GHSR: variants seen among roughly 807,000 people sequenced by gnomAD.
GHSR encodes the protein growth hormone secretagogue receptor type 1.
A neutral mutation model predicts 24.0 loss-of-function variants in GHSR; 17 were observed. The ratio of observed to expected loss-of-function variants is 0.71; its 90% CI spans 0.49 to 1.06. GHSR has a LOEUF of 1.06. GHSR is among the 50% of genes least tolerant of loss of function. The probability of loss-of-function intolerance (pLI) is 0.00; values close to 1 mark genes in which losing one functional copy is unlikely to be tolerated. For missense variants in GHSR, 504 were observed against 483.1 expected, an observed-to-expected ratio of 1.04 and a Z score of -0.41; for synonymous variants, 238 against 208.1, an observed-to-expected ratio of 1.14 and a Z score of -1.24.
At position 172,445,343 on chromosome 3, in the gene GHSR, C is replaced by A. The variant is rs200570638; in HGVS notation, c.919G>T (p.Val307Leu). The change falls in exon 2 of 2, where the codon GTG (valine) becomes TTG (leucine). Residue 307 changes from valine (V) to leucine (L), a missense_variant. Physicochemically the swap from Val to Leu is conservative, Grantham distance 32 (BLOSUM62 1). Coordinates refer to ENST00000241256, the MANE Select transcript of GHSR (RefSeq NM_198407.2). ...IAQISQYCNL[V>L]SFVLFYLSAA... Reference sequence around the variant, plus strand: ...CTGAGGTAGAAGAGGACAAAGGACACGAGGTTGCAGTACTGGCTGATCTGA... The same window carrying A: ...CTGAGGTAGAAGAGGACAAAGGACAAGAGGTTGCAGTACTGGCTGATCTGA... The A allele has an allele frequency of 6.2e-7, 1 of 1,614,058 alleles. No homozygotes were observed. Among genetic ancestry groups the A allele is most frequent in the Admixed American group, 1.7e-5 (1 of 60,012 alleles).
Position 172,447,953 on chromosome 3 carries a change from A to G in GHSR, c.461T>C (p.Val154Ala). 1 of 1,613,658 alleles carries G rather than the reference A, an allele frequency of 6.2e-7. No individual in the cohort carries two copies. The highest frequency in any genetic ancestry group is 8.5e-7 in the Non-Finnish European group (1 of 1,179,564). The stretch of plus-strand genomic sequence containing the variant: ...CAGCTTCACCCGCCCCTTGGTGACC[A>G]CCACCTTGGCCCGGAGTGGGAAGCA... ...AICFPLRAKV[V>A]VTKGRVKLVI... The change falls in exon 1 of 2, where the codon GTG becomes GCG. Residue 154 changes from valine (V) to alanine (A), a missense_variant. Transcript: ENST00000241256.
Position 172,446,291 on chromosome 3 carries a change from G to A in GHSR, c.797-826C>T, listed in dbSNP as rs113573204. ...TAATGGCTTGAAAATAAAATTGGAGGAAATTATTAAACTTATCCTTAAAAC... is the reference window on the plus strand; with the variant it reads ...TAATGGCTTGAAAATAAAATTGGAGAAAATTATTAAACTTATCCTTAAAAC... On this transcript the variant is annotated intron_variant, in intron 1 of 1. Coordinates refer to ENST00000241256, the MANE Select transcript of GHSR (RefSeq NM_198407.2). 3.6e-3 allele frequency among the ~76,000 whole-genome samples: 549 copies of A among 152,216 alleles called. 10 individuals are homozygous for A. Among genetic ancestry groups the A allele is most frequent in the African/African-American group, 0.013 (532 of 41,530 alleles).
In GHSR at chr3:172,444,087, A is replaced by G. The variant is rs1187719776; in HGVS notation, c.*1074T>C. On this transcript the variant is annotated 3_prime_UTR_variant, in exon 2 of 2. Coordinates refer to ENST00000241256, the MANE Select transcript of GHSR (RefSeq NM_198407.2). ...GTTAAGCCATATGAGGCAGTTTGTG[A>G]TTACCCATAATTGTTTTAAAAAGTT... Among the ~76,000 whole-genome samples the G allele has an allele frequency of 6.6e-6, 1 of 152,170 alleles. No individual in the cohort carries two copies. Among genetic ancestry groups the G allele is most frequent in the African/African-American group, 2.4e-5 (1 of 41,450 alleles).
rs1737404103 is a variant in GHSR, at chr3:172,444,199, A to G, written c.*962T>C. Among the ~76,000 whole-genome samples, 1 of 152,222 alleles carries G rather than the reference A, an allele frequency of 6.6e-6. No individual in the cohort carries two copies. Among genetic ancestry groups the G allele is most frequent in the Admixed American group, 6.5e-5 (1 of 15,282 alleles). Reference sequence around the variant, plus strand: ...CATATTCATTCTCTTCTGAGCATACAGAACAGGACATTTAGGTGTGATTTT... The same window carrying G: ...CATATTCATTCTCTTCTGAGCATACGGAACAGGACATTTAGGTGTGATTTT... On this transcript the variant is annotated 3_prime_UTR_variant, in exon 2 of 2. Transcript: ENST00000241256.
At position 172,443,329 on chromosome 3, in the gene GHSR, C is replaced by T. The variant is rs886058178; in HGVS notation, c.*1832G>A. On this transcript the variant is annotated 3_prime_UTR_variant, in exon 2 of 2. Coordinates refer to ENST00000241256, the MANE Select transcript of GHSR (RefSeq NM_198407.2). ...CACTCTTAGGAATTAACTACATAAT[C>T]AGCTTGCTAGTGTTCTGTATTTAGA... 1.3e-5 allele frequency among the ~76,000 whole-genome samples: 2 copies of T among 151,542 alleles called. No homozygotes were observed. Among genetic ancestry groups the T allele is most frequent in the African/African-American group, 4.9e-5 (2 of 41,170 alleles).
At position 172,448,179 on chromosome 3, in the gene GHSR, T is replaced by G; in HGVS notation, c.235A>C (p.Asn79His). 1 of 1,614,170 alleles carries G rather than the reference T, an allele frequency of 6.2e-7. No homozygotes were observed. ...SRFRELRTTT[N>H]LYLSSMAFSD... is the part of the protein sequence containing the mutation. Reference sequence around the variant, plus strand: ...AAGGCCATGCTGGACAGGTAGAGGTTGGTGGTGGTGCGCAGCTCGCGGAAG... The same window carrying G: ...AAGGCCATGCTGGACAGGTAGAGGTGGGTGGTGGTGCGCAGCTCGCGGAAG... The change falls in exon 1 of 2, where the codon AAC (asparagine) becomes CAC (histidine). Residue 79 changes from asparagine to histidine, a missense_variant. Asn to His is a moderately conservative substitution (Grantham distance 68). Coordinates refer to ENST00000241256, the MANE Select transcript of GHSR (RefSeq NM_198407.2). The surrounding 1 kb of genome is among the most constrained non-coding windows in gnomAD (Gnocchi z 4.8).
In GHSR at chr3:172,445,027, T is replaced by A; in HGVS notation, c.*134A>T. The A allele has an allele frequency of 1.0e-6, 1 of 976,630 alleles. No individual in the cohort carries two copies. 60.5% of individuals were successfully genotyped at this position (976,630 alleles called of 1,614,324 possible). A position where few individuals can be genotyped will look rare whatever the true frequency, so the allele number is the denominator to read the frequency against. On this transcript the variant is annotated 3_prime_UTR_variant, in exon 2 of 2. Coordinates refer to ENST00000241256, the MANE Select transcript of GHSR (RefSeq NM_198407.2). ...GCTCACACCCTACAAATGATATCTTTTTTCCCTCCCAGATGTTTCTGGATC... is the reference window on the plus strand; with the variant it reads ...GCTCACACCCTACAAATGATATCTTATTTCCCTCCCAGATGTTTCTGGATC...
intron 1 of GHSR, 96 bp downstream of exon 1, chr3:172,447,522 A>C: frequency 3.9e-6 from 6 of 1,555,498 alleles, no homozygotes; most frequent in Non-Finnish European, 5.2e-6. Context: ...GTAGCGACTC[A>C]GGGGGAAATA....
chr3:172,445,970 G>A (rs1264605753), intron 1 of GHSR, among the ~76,000 whole-genome samples: 1 of 151,588 alleles, frequency 6.6e-6, no homozygotes, highest in African/African-American at 2.4e-5. Context: ...ACAGAGGATT[G>A]AATATACAGT....
intron 1 of GHSR, among the ~76,000 whole-genome samples, chr3:172,447,027 C>T (rs544448846): frequency 7.9e-5 from 12 of 152,232 alleles, no homozygotes; most frequent in African/African-American, 2.6e-4. Context: ...AAACAAATCA[C>T]AATATTGAAA....
Position 172,448,034 on chromosome 3 carries a change from G to A in GHSR, c.380C>T (p.Thr127Ile), listed in dbSNP as rs1395652612. Residue 127 changes from threonine to isoleucine, a missense_variant, in exon 1 of 2, where the codon ACC becomes ATC. Physicochemically the swap from Thr to Ile is moderately conservative, Grantham distance 89. Transcript: ENST00000241256. The surrounding 1 kb of genome is among the most constrained non-coding windows in gnomAD (Gnocchi z 4.8). ...KLFQFVSESC[T>I]YATVLTITAL... The stretch of plus-strand genomic sequence containing the variant: ...TGTGATGGTGAGCACCGTGGCGTAG[G>A]TGCAGCTCTCACTGACGAATTGGAA... 1 of 1,614,216 alleles carries A rather than the reference G, an allele frequency of 6.2e-7. No homozygotes were observed. Among genetic ancestry groups the A allele is most frequent in the Admixed American group, 1.7e-5 (1 of 60,032 alleles).
rs1737414752 is a variant in GHSR at position 172,444,613 on chromosome 3, T to C, written c.*548A>G. Among the ~76,000 whole-genome samples, 1 of 152,162 alleles carries C rather than the reference T, an allele frequency of 6.6e-6. No individual in the cohort carries two copies. Among genetic ancestry groups the C allele is most frequent in the South Asian group, 2.1e-4 (1 of 4,826 alleles). On this transcript the variant is annotated 3_prime_UTR_variant, in exon 2 of 2. Transcript: ENST00000241256. ...AGGGTTTCTGTAAGTGTAAAAAGCA[T>C]GCCAGATTTCAAAGACTTAGTGTGA...
Position 172,445,167 on chromosome 3 carries a change from A to G in GHSR, c.1095T>C (p.Asn365=), listed in dbSNP as rs1308749988. Residue 365 remains asparagine, a synonymous_variant, in exon 2 of 2, where the codon AAT becomes AAC. Transcript: ENST00000241256. ...GTACTCGCAATGTGCTAGGTCATGT[A>G]TTAATACTAGATTCTGTCCAGGCCC... ...SSRAWTESSI[N]T 1.2e-6 allele frequency: 2 copies of G among 1,613,986 alleles called. No homozygotes were observed. Among genetic ancestry groups the G allele is most frequent in the South Asian group, 1.1e-5 (1 of 91,084 alleles).
In GHSR at chr3:172,445,192, C is replaced by G. The variant is rs202112906; in HGVS notation, c.1070G>C (p.Arg357Pro). 1 of 1,614,066 alleles carries G rather than the reference C, an allele frequency of 6.2e-7. No homozygotes were observed. Among genetic ancestry groups the G allele is most frequent in the Non-Finnish European group, 8.5e-7 (1 of 1,180,022 alleles). The change falls in exon 2 of 2, where the codon CGG (arginine) becomes CCG (proline). Residue 357 changes from arginine (R) to proline (P), a missense_variant. Arg to Pro is a moderately radical substitution (Grantham distance 103). Transcript: ENST00000241256. ...KLSTLKDESS[R>P]AWTESSINT ...ATTAATACTAGATTCTGTCCAGGCCCGAGAACTTTCATCTTTCAGAGTGGA... is the reference window on the plus strand; with the variant it reads ...ATTAATACTAGATTCTGTCCAGGCCGGAGAACTTTCATCTTTCAGAGTGGA...
intron 1 of GHSR, 29 bp from the exon 2 acceptor site, chr3:172,445,494 A>C (rs751435464): frequency 1.9e-6 from 3 of 1,596,500 alleles, no homozygotes; most frequent in African/African-American, 2.7e-5. Context: ...AGAGATAGTC[A>C]GCTCAAGAAA....
intron 1 of GHSR, among the ~76,000 whole-genome samples, chr3:172,446,674 A>G (rs1737469429): frequency 6.6e-6 from 1 of 152,228 alleles, no homozygotes; most frequent in African/African-American, 2.4e-5. Context: ...AACCATATTT[A>G]TTATTACTTC....
At chr3:172,445,803 G>C (rs1737447015) in intron 1 of GHSR, among the ~76,000 whole-genome samples, 1 of 152,224 alleles carries the variant, frequency 6.6e-6, no homozygotes, top group Non-Finnish European at 1.5e-5. Context: ...ACGAGGTAAA[G>C]TGGTTGTACT....
intron 1 of GHSR, among the ~76,000 whole-genome samples, chr3:172,446,341 T>C (rs893107106): frequency 2.0e-5 from 3 of 152,232 alleles, no homozygotes; most frequent in African/African-American, 7.2e-5. Flanking sequence ...GCAACTTAAC[T>C]GCCACAGTAA....
At chr3:172,446,456 C>A (rs1016622801) in intron 1 of GHSR, among the ~76,000 whole-genome samples, 5 of 152,150 alleles carry the variant, frequency 3.3e-5, no homozygotes, top group African/African-American at 1.2e-4. Flanking sequence ...AAAATAAAAT[C>A]TTTGACATTC....
Sources: gnomAD v4.1 joint callset for allele counts (sites outside exome capture counted in the v4.1 genomes callset) on GRCh38, gnomAD v4.1.1 for gene constraint, Gnocchi (gnomAD v3.1) non-coding constraint, MANE v1.5 for transcripts, NCBI Gene and HGNC (gene_info 2026-07-23, HGNC 2026-07-21) for gene names.